Variants in ANKS1B observed in about 807,000 individuals in gnomAD.
ANKS1B encodes ankyrin repeat and sterile alpha motif domain-containing protein 1B.
ANKS1B carries 36 observed loss-of-function variants against 148.3 expected under a neutral mutation model. That is an observed-to-expected ratio of 0.24 (90% confidence interval 0.19 to 0.32). ANKS1B has a LOEUF of 0.32. ANKS1B is among the 10% of genes least tolerant of loss of function. The probability of loss-of-function intolerance (pLI) is 1.00; values close to 1 mark genes in which losing one functional copy is unlikely to be tolerated. For missense variants in ANKS1B, 1,157 were observed against 1,542.6 expected, an observed-to-expected ratio of 0.75 and a Z score of 4.19; for synonymous variants, 542 against 560.8, an observed-to-expected ratio of 0.97 and a Z score of 0.47.
rs143045866 is a variant in ANKS1B, at chr12:99,443,345, A to G, written c.1575+328T>C. Among the ~76,000 whole-genome samples, 107 of 152,108 alleles carry G rather than the reference A, an allele frequency of 7.0e-4. 1 individual carries two copies. The highest frequency in any genetic ancestry group is 2.5e-3 in the African/African-American group (105 of 41,546). On this transcript the variant is annotated intron_variant, in intron 11 of 26. Transcript: ENST00000683438. ...GAAGAATGAAGACAAAAGGATCAGGAAACACCAGAAAATATGTAACAGCTC... is the reference window on the plus strand; with the variant it reads ...GAAGAATGAAGACAAAAGGATCAGGGAACACCAGAAAATATGTAACAGCTC...
intron 14 of ANKS1B, among the ~76,000 whole-genome samples, chr12:99,231,541 T>C (rs988743668): frequency 1.3e-5 from 2 of 152,046 alleles, no homozygotes; most frequent in African/African-American, 4.8e-5. Flanking sequence ...GAGAATTGAA[T>C]ACAAAAAATG....
chr12:99,764,609 G>A (rs942669074), intron 8 of ANKS1B, among the ~76,000 whole-genome samples: 1 of 152,136 alleles, frequency 6.6e-6, no homozygotes, highest in African/African-American at 2.4e-5. Flanking sequence ...TTTTAGTAAA[G>A]ATGGAGTTTC....
intron 12 of ANKS1B, among the ~76,000 whole-genome samples, chr12:99,294,875 T>A (rs773496999): frequency 6.6e-6 from 1 of 152,106 alleles, no homozygotes; most frequent in African/African-American, 2.4e-5. Flanking sequence ...CTGGTCTCAA[T>A]CTCCTGATTT....
intron 9 of ANKS1B, among the ~76,000 whole-genome samples, chr12:99,603,209 A>T (rs2097820604): frequency 1.3e-5 from 2 of 151,932 alleles, no homozygotes; most frequent in African/African-American, 4.8e-5. Flanking sequence ...GCTCTTTTTA[A>T]GTTTGTTTTG....
At chr12:99,859,227 T>C (rs956433080) in intron 1 of ANKS1B, among the ~76,000 whole-genome samples, 5 of 152,236 alleles carry the variant, frequency 3.3e-5, no homozygotes, top group African/African-American at 1.2e-4. Flanking sequence ...GTTAGTCTTA[T>C]TGTGGCTGTT....
At chr12:99,079,108 T>A (rs1392888697) in intron 16 of ANKS1B, among the ~76,000 whole-genome samples, 2 of 152,122 alleles carry the variant, frequency 1.3e-5, no homozygotes, top group Non-Finnish European at 2.9e-5. Context: ...AGGAAGTAGA[T>A]CCTCTTGACT....
intron 9 of ANKS1B, among the ~76,000 whole-genome samples, chr12:99,557,967 T>G (rs1451289922): frequency 6.6e-6 from 1 of 152,172 alleles, no homozygotes; most frequent in Non-Finnish European, 1.5e-5. Context: ...CTCTAACTCT[T>G]ATGGGCGTTT....
intron 25 of ANKS1B, among the ~76,000 whole-genome samples, chr12:98,768,149 T>C (rs975911651): frequency 2.6e-5 from 4 of 152,172 alleles, no homozygotes; most frequent in African/African-American, 9.6e-5. Flanking sequence ...GTTAGGGATA[T>C]GATTAGAAAT....
intron 9 of ANKS1B, among the ~76,000 whole-genome samples, chr12:99,511,958 C>A (rs2096770615): frequency 2.6e-5 from 4 of 151,976 alleles, no homozygotes; most frequent in Admixed American, 2.6e-4. Flanking sequence ...ACTATAAAAA[C>A]CCTAGAAGAA....
At chr12:99,340,473 T>C (rs2089719549) in intron 12 of ANKS1B, among the ~76,000 whole-genome samples, 2 of 152,114 alleles carry the variant, frequency 1.3e-5, no homozygotes, top group South Asian at 2.1e-4. Flanking sequence ...ATTCCATCAC[T>C]ATGCAAAACA....
At chr12:98,807,348 C>T (rs555532685) in intron 20 of ANKS1B, among the ~76,000 whole-genome samples, 2 of 152,092 alleles carry the variant, frequency 1.3e-5, no homozygotes, top group African/African-American at 2.4e-5. Context: ...CACCTCCCCC[C>T]ACATTTGCAT....
chr12:99,805,144 A>G (rs960071016), intron 4 of ANKS1B, among the ~76,000 whole-genome samples: 1 of 151,864 alleles, frequency 6.6e-6, no homozygotes, highest in African/African-American at 2.4e-5. Flanking sequence ...GTTGCACATC[A>G]ATGGCTTACT....
At chr12:99,362,577 T>C (rs2092547204) in intron 12 of ANKS1B, among the ~76,000 whole-genome samples, 1 of 152,056 alleles carries the variant, frequency 6.6e-6, no homozygotes, top group African/African-American at 2.4e-5. Flanking sequence ...TATCCAAAGT[T>C]ACATAGATGG....
intron 17 of ANKS1B, among the ~76,000 whole-genome samples, chr12:98,889,229 T>C (rs1386037764): frequency 1.3e-5 from 2 of 152,130 alleles, no homozygotes; most frequent in South Asian, 2.1e-4. Flanking sequence ...ACTGGGAAAA[T>C]AGGAAATTAA....
intron 12 of ANKS1B, among the ~76,000 whole-genome samples, chr12:99,322,512 A>G (rs141940811): frequency 3.3e-5 from 5 of 151,960 alleles, no homozygotes; most frequent in African/African-American, 7.2e-5. Context: ...AAAAAATCTC[A>G]GTACAAAAGA....
chr12:99,301,464 T>G (rs185738655), intron 12 of ANKS1B, among the ~76,000 whole-genome samples: 1 of 152,188 alleles, frequency 6.6e-6, no homozygotes, highest in Non-Finnish European at 1.5e-5. Context: ...TGAACAGATA[T>G]AATGTATTAT....
At chr12:99,933,290 C>T (rs2094673516) in intron 1 of ANKS1B, among the ~76,000 whole-genome samples, 1 of 152,060 alleles carries the variant, frequency 6.6e-6, no homozygotes, top group South Asian at 2.1e-4. Context: ...TTTTATGTTT[C>T]TGTGAAGAAT....
chr12:99,156,783 GTTGT>G (rs1158207126), intron 14 of ANKS1B, among the ~76,000 whole-genome samples: 2 of 151,988 alleles, frequency 1.3e-5, no homozygotes, highest in Admixed American at 6.6e-5. Context: ...TTCAATTTTA[GTTGT>G]TTGTGTCTGA....
chr12:99,482,451 T>C (rs879888295), intron 10 of ANKS1B, among the ~76,000 whole-genome samples: 2 of 152,064 alleles, frequency 1.3e-5, no homozygotes, highest in Non-Finnish European at 2.9e-5. Context: ...TAATTTGAAG[T>C]CTGGTAATGT....
Sources: allele counts gnomAD v4.1 joint callset (sites outside exome capture counted in the v4.1 genomes callset), GRCh38; gene constraint gnomAD v4.1.1; transcripts MANE v1.5; gene names NCBI Gene and HGNC (gene_info 2026-07-23, HGNC 2026-07-21).